The following MYLK variants were observed in gnomAD, a reference collection of about 807,000 sequenced individuals.
MYLK encodes myosin light chain kinase, smooth muscle.
Under a neutral mutation model 203.4 loss-of-function variants are expected in MYLK, and 106 were observed. The observed-to-expected ratio is 0.52, with a 90% confidence interval of 0.45 to 0.61. The LOEUF (loss-of-function observed/expected upper bound fraction) is 0.61, where lower values mean the gene tolerates loss of function less well. Among genes scored for constraint, MYLK ranks in the 20% least tolerant of loss-of-function variants. MYLK has a pLI of 0.00. For synonymous variants in MYLK, 867 were observed against 959.5 expected, an observed-to-expected ratio of 0.90 and a Z score of 1.78; for missense variants, 2,072 against 2,442.3, an observed-to-expected ratio of 0.85 and a Z score of 3.20.
At position 123,793,777 on chromosome 3, in the gene MYLK, G is replaced by A. The variant is rs1402959688; in HGVS notation, c.65C>T (p.Ser22Leu). Residue 22 changes from serine (S) to leucine (L), a missense_variant, in exon 4 of 34, where the codon TCA becomes TTA. By Grantham distance (145) the Ser-to-Leu change is moderately radical (BLOSUM62 -2). Around this residue, in one of 3 missense-constraint regions of MYLK, gnomAD observed 683 missense variants for 643.8 expected, o/e 1.06. Transcript: ENST00000360304. ...TGTCAGGGGCATGGAGTCAACTCTT[G>A]AGGGATCCACACTGAGGGAGGTTTT... ...ISKTSLSVDPSRVDSMPLTEA... is the reference protein window; with the variant it reads ...ISKTSLSVDPLRVDSMPLTEA... 1.9e-6 allele frequency: 3 copies of A among 1,613,946 alleles called. No homozygotes were observed. Among genetic ancestry groups the A allele is most frequent in the Admixed American group, 1.7e-5 (1 of 60,004 alleles).
intron 11 of MYLK, among the ~76,000 whole-genome samples, chr3:123,728,903 T>C (rs2062387003): frequency 6.6e-6 from 1 of 152,220 alleles, no homozygotes; most frequent in African/African-American, 2.4e-5. Context: ...GTCTCCAGGA[T>C]GTTTGTTAAA....
chr3:123,714,360 A>C (rs1370614788), intron 13 of MYLK, among the ~76,000 whole-genome samples: 2 of 152,114 alleles, frequency 1.3e-5, no homozygotes, highest in Non-Finnish European at 2.9e-5. Context: ...GTCATCATCC[A>C]TATTCATGTC....
Position 123,769,031 on chromosome 3 carries a change from A to T in MYLK, c.166-16493T>A, listed in dbSNP as rs570975037. ...CTATTATCTACAGTGGTCACATTTT[A>T]AAAACGAGTGCATGTTGATCTGATC... is the stretch of plus-strand genomic sequence containing the variant. On this transcript the variant is annotated intron_variant, in intron 4 of 33. Coordinates refer to ENST00000360304, the MANE Select transcript of MYLK (RefSeq NM_053025.4). Among the ~76,000 whole-genome samples the T allele has an allele frequency of 1.1e-4, 16 of 152,324 alleles. No homozygotes were observed. In the East Asian group the frequency reaches 2.9e-3, roughly 28 times the overall value.
At chr3:123,722,738 C>T (rs1467805782) in intron 12 of MYLK, among the ~76,000 whole-genome samples, 6 of 152,178 alleles carry the variant, frequency 3.9e-5, no homozygotes, top group Admixed American at 1.3e-4. Flanking sequence ...ATGGGGTGCC[C>T]AGCTCCACTT....
intron 26 of MYLK, 113 bp from the exon 27 acceptor site, chr3:123,647,540 TA>T: frequency 1.1e-6 from 1 of 900,586 alleles, no homozygotes; most frequent in Non-Finnish European, 1.8e-6. Context: ...CTTTTATAAG[TA>T]AGGTGTTACT....
intron 30 of MYLK, among the ~76,000 whole-genome samples, chr3:123,627,939 T>TAC (rs1394104910): frequency 6.6e-6 from 1 of 152,186 alleles, no homozygotes; most frequent in Non-Finnish European, 1.5e-5. Flanking sequence ...ATAAGATATA[T>TAC]ACACACACAA....
intron 20 of MYLK, chr3:123,681,999 A>C (rs1321404210): frequency 1.6e-6 from 1 of 608,168 alleles, no homozygotes; most frequent in Admixed American, 2.3e-5. Flanking sequence ...AACACCACCC[A>C]GGCTGGAGAC....
At chr3:123,622,057 C>T (rs2057896045) in intron 31 of MYLK, 1 of 152,260 alleles carries the variant, frequency 6.6e-6, no homozygotes, top group Admixed American at 6.5e-5. Flanking sequence ...AGACCCAGCT[C>T]TTCCCATGGG....
At position 123,614,032 on chromosome 3, in the gene MYLK, T is replaced by G. The variant is rs528233991; in HGVS notation, c.*73A>C. Reference sequence around the variant, plus strand: ...TAGGTGCTTTTACTATCTTGAGTTTTTTTTTTTTTTTTGAGTTTTAGAGAA... The same window carrying G: ...TAGGTGCTTTTACTATCTTGAGTTTGTTTTTTTTTTTTGAGTTTTAGAGAA... On this transcript the variant is annotated 3_prime_UTR_variant, in exon 34 of 34. Coordinates refer to ENST00000360304, the MANE Select transcript of MYLK (RefSeq NM_053025.4). The G allele has an allele frequency of 0.019, 29,388 of 1,547,644 alleles. 175 individuals carry two copies. The highest frequency in any genetic ancestry group is 0.025 in the South Asian group (2,066 of 83,714).
chr3:123,709,134 ATTTTTT>A (rs1161776768), intron 14 of MYLK: 29 of 171,814 alleles, frequency 1.7e-4, no homozygotes, highest in East Asian at 5.5e-4. Flanking sequence ...TTCTCACATA[ATTTTTT>A]TTTTTTTTTT....
chr3:123,765,815 A>C (rs2063684447), intron 4 of MYLK, among the ~76,000 whole-genome samples: 1 of 152,248 alleles, frequency 6.6e-6, no homozygotes, highest in Admixed American at 6.5e-5. Context: ...AAGTAAAGTA[A>C]GACGGTCACA....
chr3:123,692,312 C>T (rs1418451633), intron 19 of MYLK: 3 of 1,150,190 alleles, frequency 2.6e-6, no homozygotes, highest in African/African-American at 1.6e-5. Context: ...ACACGGACCT[C>T]GCTCTGCTCC....
chr3:123,649,273 G>A (rs1404795173), intron 24 of MYLK, 79 bp from the exon 25 acceptor site: 1 of 1,580,506 alleles, frequency 6.3e-7, no homozygotes, highest in Admixed American at 1.7e-5. Context: ...ATGTGCTGGG[G>A]GCCCTGCCAG....
intron 1 of MYLK, among the ~76,000 whole-genome samples, chr3:123,876,865 GT>G (rs2033181686): frequency 6.6e-6 from 1 of 152,136 alleles, no homozygotes; most frequent in Non-Finnish European, 1.5e-5. Context: ...TTCCCTTGAT[GT>G]TTTTTCAGTA....
chr3:123,857,615 G>A (rs890866398), intron 2 of MYLK, among the ~76,000 whole-genome samples: 1 of 146,690 alleles, frequency 6.8e-6, no homozygotes, highest in African/African-American at 2.5e-5. Flanking sequence ...CATGGACACA[G>A]GAAGGGGAAC....
chr3:123,850,569 T>C (rs2030661838), intron 2 of MYLK, among the ~76,000 whole-genome samples: 1 of 152,236 alleles, frequency 6.6e-6, no homozygotes, highest in Non-Finnish European at 1.5e-5. Flanking sequence ...TTCATATCCT[T>C]TGCCCACTTT....
chr3:123,791,911 T>C (rs978286860), intron 4 of MYLK, among the ~76,000 whole-genome samples: 1 of 152,242 alleles, frequency 6.6e-6, no homozygotes, highest in Non-Finnish European at 1.5e-5. Context: ...TGAAGTACTT[T>C]TACTATCTAT....
intron 29 of MYLK, chr3:123,630,461 A>G (rs1310627695): frequency 1.3e-5 from 2 of 152,222 alleles, no homozygotes; most frequent in African/African-American, 4.8e-5. Flanking sequence ...ACACTGCCCT[A>G]TGATGCAAGT....
intron 20 of MYLK, chr3:123,681,935 G>T: frequency 2.2e-6 from 1 of 464,660 alleles, no homozygotes; most frequent in Non-Finnish European, 4.0e-6. Context: ...GGAAGTGAAA[G>T]GGCATGAAGG....
Sources: gnomAD v4.1 joint callset for allele counts (sites outside exome capture counted in the v4.1 genomes callset) on GRCh38, gnomAD v4.1.1 for gene constraint, gnomAD v4.1.1 regional missense constraint, MANE v1.5 for transcripts, NCBI Gene and HGNC (gene_info 2026-07-23, HGNC 2026-07-21) for gene names.